Variants in GAB2 observed in about 807,000 individuals in gnomAD.
GAB2 encodes the protein GRB2 associated binding protein 2.
A neutral mutation model predicts 65.5 loss-of-function variants in GAB2; 26 were observed. The ratio of observed to expected loss-of-function variants is 0.40; its 90% CI spans 0.29 to 0.55. GAB2 has a LOEUF of 0.55. Among genes scored for constraint, GAB2 ranks in the 20% least tolerant of loss-of-function variants. The pLI is 0.53. For synonymous variants in GAB2, 321 were observed against 329.6 expected (o/e 0.97, Z 0.28); for missense variants, 884 against 875.8 (o/e 1.01, Z -0.12).
At chr11:78,258,221 T>A (rs1354897468) in intron 2 of GAB2, among the ~76,000 whole-genome samples, 1 of 152,212 alleles carries the variant, frequency 6.6e-6, no homozygotes, top group Non-Finnish European at 1.5e-5. Flanking sequence ...TTACAGAGAT[T>A]CAGATTAGGA....
chr11:78,380,266 G>A (rs1770016311), intron 1 of GAB2, among the ~76,000 whole-genome samples: 1 of 151,126 alleles, frequency 6.6e-6, no homozygotes. Flanking sequence ...GAAATGCAGT[G>A]GTGTGATCTC....
At chr11:78,298,657 G>A (rs1237804772) in intron 1 of GAB2, among the ~76,000 whole-genome samples, 2 of 152,138 alleles carry the variant, frequency 1.3e-5, no homozygotes, top group African/African-American at 4.8e-5. Context: ...TTTAAATATT[G>A]GAGAAAGAAA....
chr11:78,374,981 G>A (rs1186335012), intron 1 of GAB2, among the ~76,000 whole-genome samples: 4 of 152,114 alleles, frequency 2.6e-5, no homozygotes, highest in African/African-American at 9.7e-5. Flanking sequence ...TTCACACACA[G>A]GTACATTGGT....
rs781082233 is a variant in GAB2, at chr11:78,250,283, C to G, written c.494G>C (p.Ser165Thr). ...ERKSSAPSHS[S>T]QPTLFTFEPP... ...TTCAAACGTGAACAGAGTTGGCTGGCTGGAGTGTGATGGGGCTGAGGACTT... is the reference window on the plus strand; with the variant it reads ...TTCAAACGTGAACAGAGTTGGCTGGGTGGAGTGTGATGGGGCTGAGGACTT... The change falls in exon 3 of 10, where the codon AGC (serine) becomes ACC (threonine). Residue 165 changes from serine (S) to threonine (T), a missense_variant. Transcript: ENST00000361507. 4.3e-6 allele frequency: 7 copies of G among 1,613,464 alleles called. No individual in the cohort carries two copies. The South Asian group carries it at 7.7e-5, about 18-fold the overall frequency.
At chr11:78,353,002 G>A (rs1187009221) in intron 1 of GAB2, among the ~76,000 whole-genome samples, 3 of 152,070 alleles carry the variant, frequency 2.0e-5, no homozygotes, top group African/African-American at 7.2e-5. Flanking sequence ...ATTTTTTAAG[G>A]TTCACAGACT....
intron 1 of GAB2, among the ~76,000 whole-genome samples, chr11:78,356,369 AATGTTT>A (rs1345551408): frequency 2.0e-5 from 3 of 152,170 alleles, no homozygotes; most frequent in Non-Finnish European, 4.4e-5. Context: ...GCAAGACAGA[AATGTTT>A]ATGTTTTCTT....
intron 8 of GAB2, among the ~76,000 whole-genome samples, 158 bp from the exon 9 acceptor site, chr11:78,220,602 G>A (rs993735251): frequency 6.6e-6 from 1 of 152,174 alleles, no homozygotes; most frequent in Non-Finnish European, 1.5e-5. Flanking sequence ...TAATCCTCAT[G>A]ACAATCCTGT....
chr11:78,400,712 G>A (rs543749817), intron 1 of GAB2, among the ~76,000 whole-genome samples: 3 of 152,032 alleles, frequency 2.0e-5, no homozygotes, highest in African/African-American at 7.2e-5. Flanking sequence ...AGACCAGCCT[G>A]GTCAACAGAG....
chr11:78,235,585 T>C (rs1864959896), intron 3 of GAB2, among the ~76,000 whole-genome samples: 1 of 152,218 alleles, frequency 6.6e-6, no homozygotes, highest in Admixed American at 6.5e-5. Context: ...AGAAATTTCT[T>C]CCGCCAGATA....
intron 1 of GAB2, among the ~76,000 whole-genome samples, chr11:78,283,433 G>GA (rs1414851104): frequency 1.3e-5 from 2 of 152,106 alleles, no homozygotes; most frequent in East Asian, 1.9e-4. Context: ...TATCTCAGAA[G>GA]AAAAAATTAA....
chr11:78,329,298 TTTATA>T (rs1445928248), intron 1 of GAB2, among the ~76,000 whole-genome samples: 1 of 152,194 alleles, frequency 6.6e-6, no homozygotes, highest in African/African-American at 2.4e-5. Context: ...TTGTAGGCTC[TTTATA>T]TTAATTAAAA....
chr11:78,375,090 A>G (rs1856616398), intron 1 of GAB2, among the ~76,000 whole-genome samples: 1 of 152,172 alleles, frequency 6.6e-6, no homozygotes, highest in Non-Finnish European at 1.5e-5. Flanking sequence ...TGTCACCCAC[A>G]CTAGAGTGCA....
At position 78,303,774 on chromosome 11, in the gene GAB2, TTTGA is replaced by T. The variant is rs200718067; in HGVS notation, c.76-22877_76-22874del. 8.6e-3 allele frequency among the ~76,000 whole-genome samples: 1,317 copies of T among 152,268 alleles called. 19 individuals carry two copies. Among genetic ancestry groups the T allele is most frequent in the African/African-American group, 0.03 (1,250 of 41,550 alleles). On this transcript the variant is annotated intron_variant, in intron 1 of 9. Transcript: ENST00000361507. The stretch of plus-strand genomic sequence containing the variant: ...TTTAGGGATTATGTTTCCTTTACTG[TTTGA>T]TTGAATTTACTGAAGAAGCCATCCA...
intron 1 of GAB2, among the ~76,000 whole-genome samples, chr11:78,325,838 A>T (rs1266335810): frequency 1.3e-5 from 2 of 152,214 alleles, no homozygotes; most frequent in African/African-American, 2.4e-5. Context: ...CAAATAAAAA[A>T]GAAAATTCAC....
chr11:78,242,485 G>T (rs1865161769), intron 3 of GAB2, among the ~76,000 whole-genome samples: 1 of 150,760 alleles, frequency 6.6e-6, no homozygotes, highest in South Asian at 2.1e-4. Context: ...CTGGGCGACA[G>T]AGCGAGACTC....
chr11:78,226,808 A>C lies in GAB2; in HGVS notation c.864T>G (p.Asp288Glu). 6.2e-7 allele frequency: 1 copy of C among 1,614,010 alleles called. No homozygotes were observed. The highest frequency in any genetic ancestry group is 8.5e-7 in the Non-Finnish European group (1 of 1,179,978). The part of the protein sequence containing the change: ...TKGSLTGSET[D>E]NEDVYTFKTP... ...TCTTGAAGGTGTACACATCCTCATTATCTGTCTCGGAGCCTGTGAGGCTGC... is the reference window on the plus strand; with the variant it reads ...TCTTGAAGGTGTACACATCCTCATTCTCTGTCTCGGAGCCTGTGAGGCTGC... Residue 288 changes from aspartate to glutamate, a missense_variant, in exon 4 of 10, where the codon GAT becomes GAG. Coordinates refer to ENST00000361507, the MANE Select transcript of GAB2 (RefSeq NM_080491.3).
chr11:78,247,718 T>C (rs1243081471), intron 3 of GAB2, among the ~76,000 whole-genome samples: 4 of 152,236 alleles, frequency 2.6e-5, no homozygotes, highest in Non-Finnish European at 5.9e-5. Context: ...TAATATTTTG[T>C]CCAGAGTTTA....
At chr11:78,356,297 G>T (rs1856358535) in intron 1 of GAB2, among the ~76,000 whole-genome samples, 1 of 152,130 alleles carries the variant, frequency 6.6e-6, no homozygotes, top group South Asian at 2.1e-4. Context: ...GCTACTACTG[G>T]ATATTGGGGC....
chr11:78,315,152 CT>C (rs1855576726), intron 1 of GAB2, among the ~76,000 whole-genome samples: 1 of 152,174 alleles, frequency 6.6e-6, no homozygotes, highest in South Asian at 2.1e-4. Context: ...GAGGAGGTCT[CT>C]GAGTGAATTA....
Sources: gnomAD v4.1 joint callset for allele counts (sites outside exome capture counted in the v4.1 genomes callset) on GRCh38, gnomAD v4.1.1 for gene constraint, MANE v1.5 for transcripts, NCBI Gene and HGNC (gene_info 2026-07-23, HGNC 2026-07-21) for gene names.